FRMD4A: variants seen among roughly 807,000 people sequenced by gnomAD.
FRMD4A encodes FERM domain containing 4A, also known as FERM domain-containing protein 4A.
Under a neutral mutation model 129.1 loss-of-function variants are expected in FRMD4A, and 29 were observed. The ratio of observed to expected loss-of-function variants is 0.22; its 90% CI spans 0.17 to 0.31. FRMD4A has a LOEUF of 0.31. Ranked by LOEUF, FRMD4A falls within the 10% of genes least tolerant of loss-of-function variation. FRMD4A has a pLI of 1.00. For synonymous variants in FRMD4A, 634 were observed against 571.6 expected (o/e 1.11, Z -1.56); for missense variants, 1,272 against 1,375.8 (o/e 0.92, Z 1.19).
At chr10:14,259,459 G>C (rs1463101929) in intron 2 of FRMD4A, among the ~76,000 whole-genome samples, 4 of 151,950 alleles carry the variant, frequency 2.6e-5, no homozygotes, top group Admixed American at 2.6e-4. Context: ...AATAATAAAT[G>C]CTGATGATGC....
At chr10:13,841,136 T>C (rs10906510) in intron 3 of FRMD4A, among the ~76,000 whole-genome samples, 45,796 of 152,024 alleles carry the variant, frequency 0.3, 7,279 homozygotes, top group Middle Eastern at 0.43. Context: ...AATTAAAAAG[T>C]GGTCTAATGT....
chr10:13,709,093 G>T (rs1375579285), intron 12 of FRMD4A, among the ~76,000 whole-genome samples: 2 of 152,140 alleles, frequency 1.3e-5, no homozygotes, highest in Non-Finnish European at 2.9e-5. Context: ...CTTCCAAGTA[G>T]CTGGGATTAC....
intron 4 of FRMD4A, among the ~76,000 whole-genome samples, chr10:13,804,555 T>C (rs369147965): frequency 4.6e-4 from 59 of 128,348 alleles, no homozygotes; most frequent in Admixed American, 2.3e-3. Flanking sequence ...TTATTTCTTT[T>C]TTTTGTTGAG....
Position 13,701,481 on chromosome 10 carries a change from G to A in FRMD4A, c.837-3C>T, listed in dbSNP as rs2134874662. 1.2e-6 allele frequency: 2 copies of A among 1,611,514 alleles called. No homozygotes were observed. Among genetic ancestry groups the A allele is most frequent in the Non-Finnish European group, 1.7e-6 (2 of 1,178,418 alleles). Reference sequence around the variant, plus strand: ...ACGTCCTCCTTGTCACTGAAGCCCTGGGGAAGCAAGAATCACAAGGTTCAA... The same window carrying A: ...ACGTCCTCCTTGTCACTGAAGCCCTAGGGAAGCAAGAATCACAAGGTTCAA... On this transcript the variant is annotated splice_polypyrimidine_tract_variant and splice_region_variant and intron_variant, in intron 13 of 24. Transcript: ENST00000357447.
At chr10:13,862,657 ACT>A (rs2094310348) in intron 2 of FRMD4A, among the ~76,000 whole-genome samples, 1 of 152,204 alleles carries the variant, frequency 6.6e-6, no homozygotes, top group South Asian at 2.1e-4. Context: ...GTCTAAACAG[ACT>A]CACCTTTGAA....
chr10:14,034,624 G>A (rs797007484), intron 2 of FRMD4A, among the ~76,000 whole-genome samples: 1 of 152,228 alleles, frequency 6.6e-6, no homozygotes, highest in African/African-American at 2.4e-5. Flanking sequence ...TGGGTGGGTG[G>A]GTCTCTACCT....
intron 19 of FRMD4A, among the ~76,000 whole-genome samples, chr10:13,660,861 C>T (rs2082587374): frequency 6.6e-6 from 1 of 152,204 alleles, no homozygotes; most frequent in Non-Finnish European, 1.5e-5. Context: ...ATGACTGCTT[C>T]ACACTAAACA....
chr10:13,726,308 A>C (rs1415838738), intron 12 of FRMD4A, among the ~76,000 whole-genome samples: 2 of 152,166 alleles, frequency 1.3e-5, no homozygotes, highest in Non-Finnish European at 2.9e-5. Context: ...AAAACAAAAA[A>C]GAAACTTCTG....
At chr10:14,045,439 T>C (rs770926051) in intron 2 of FRMD4A, among the ~76,000 whole-genome samples, 11 of 152,158 alleles carry the variant, frequency 7.2e-5, no homozygotes, top group Non-Finnish European at 1.6e-4. Flanking sequence ...ACTGCTGACA[T>C]GTCTATTACG....
At chr10:14,041,417 G>A (rs1833772972) in intron 2 of FRMD4A, among the ~76,000 whole-genome samples, 1 of 152,102 alleles carries the variant, frequency 6.6e-6, no homozygotes, top group South Asian at 2.1e-4. Context: ...TCTGACTAAT[G>A]TCCTTTTGTC....
rs549027137 is a variant in FRMD4A at position 13,888,504 on chromosome 10, C to T, written c.46-29592G>A. 1.2e-3 allele frequency among the ~76,000 whole-genome samples: 188 copies of T among 152,166 alleles called. 1 individual carries two copies. Among genetic ancestry groups the T allele is most frequent in the African/African-American group, 4.3e-3 (177 of 41,498 alleles). ...TGGGGAGGTCATGAGGGCACATGGG[C>T]CTGAGTTACTTGCTGATTCTATTAA... On this transcript the variant is annotated intron_variant, in intron 2 of 24. Transcript: ENST00000357447.
Position 13,720,198 on chromosome 10 carries a change from G to A in FRMD4A, c.760-13085C>T, listed in dbSNP as rs190101916. On this transcript the variant is annotated intron_variant, in intron 12 of 24. Transcript: ENST00000357447. ...TGAGTAGCTCAGACTACAGGTGCGC[G>A]CCAGCACGCCCAGCTAATTTTTGTA... Among the ~76,000 whole-genome samples the A allele has an allele frequency of 3.9e-5, 6 of 152,264 alleles. 1 individual carries two copies. Among genetic ancestry groups the A allele is most frequent in the South Asian group, 4.2e-4 (2 of 4,818 alleles).
At chr10:14,091,447 T>C (rs190464305) in intron 2 of FRMD4A, among the ~76,000 whole-genome samples, 19 of 152,182 alleles carry the variant, frequency 1.2e-4, no homozygotes, top group African/African-American at 4.3e-4. Flanking sequence ...GTTTTGTTGT[T>C]GTTTTGAGAC....
intron 2 of FRMD4A, among the ~76,000 whole-genome samples, chr10:14,030,359 G>A (rs1833180001): frequency 6.6e-6 from 1 of 152,212 alleles, no homozygotes; most frequent in South Asian, 2.1e-4. Context: ...ATTTCACAAT[G>A]TATACCTGCA....
intron 3 of FRMD4A, among the ~76,000 whole-genome samples, chr10:13,853,843 A>AC (rs1420998373): frequency 6.6e-6 from 1 of 150,446 alleles, no homozygotes; most frequent in Non-Finnish European, 1.5e-5. Flanking sequence ...AAAAAAAAAA[A>AC]AAAAAAAAAA....
intron 2 of FRMD4A, among the ~76,000 whole-genome samples, chr10:14,059,072 C>T (rs1012138986): frequency 3.9e-5 from 6 of 152,036 alleles, no homozygotes; most frequent in African/African-American, 1.4e-4. Flanking sequence ...GATGAAAAAA[C>T]AGTGAAAAGA....
intron 2 of FRMD4A, among the ~76,000 whole-genome samples, chr10:14,281,220 G>A (rs1289349714): frequency 6.6e-6 from 1 of 152,058 alleles, no homozygotes; most frequent in Non-Finnish European, 1.5e-5. Context: ...TCGAGCTCCT[G>A]AACTCAAGTG....
chr10:14,034,037 G>C (rs1202310752), intron 2 of FRMD4A, among the ~76,000 whole-genome samples: 2 of 152,156 alleles, frequency 1.3e-5, no homozygotes, highest in African/African-American at 4.8e-5. Flanking sequence ...ACTTATAAGT[G>C]GGAGCTAAAC....
chr10:13,866,580 CAGG>C (rs2094370452), intron 2 of FRMD4A, among the ~76,000 whole-genome samples: 1 of 152,136 alleles, frequency 6.6e-6, no homozygotes, highest in Admixed American at 6.6e-5. Flanking sequence ...ACATCACAGC[CAGG>C]AGGAGATGAA....
Sources: allele counts gnomAD v4.1 joint callset (sites outside exome capture counted in the v4.1 genomes callset), GRCh38; gene constraint gnomAD v4.1.1; transcripts MANE v1.5; gene names NCBI Gene and HGNC (gene_info 2026-07-23, HGNC 2026-07-21).